Variants in NTM observed in about 807,000 individuals in gnomAD.
NTM encodes the protein IgLON family member 2.
In NTM, 13 loss-of-function variants were observed where a neutral mutation model predicts 42.1. That is an observed-to-expected ratio of 0.31 (90% CI 0.20 to 0.49). NTM has a LOEUF of 0.49. Ranked by LOEUF, NTM falls within the 20% of genes least tolerant of loss-of-function variation. The pLI is 0.99. For synonymous variants in NTM, 187 were observed against 179.2 expected, an observed-to-expected ratio of 1.04 and a Z score of -0.35; for missense variants, 373 against 452.8, an observed-to-expected ratio of 0.82 and a Z score of 1.60.
intron 1 of NTM, among the ~76,000 whole-genome samples, chr11:131,598,864 C>T (rs1378065848): frequency 3.9e-4 from 15 of 38,886 alleles, no homozygotes; most frequent in African/African-American, 9.6e-4. Flanking sequence ...TTCCTTCCTT[C>T]CTTCCTTCCT....
At chr11:132,107,713 A>G (rs1436634657) in intron 2 of NTM, among the ~76,000 whole-genome samples, 2 of 152,168 alleles carry the variant, frequency 1.3e-5, no homozygotes, top group East Asian at 1.9e-4. Flanking sequence ...CTGTGCAGCA[A>G]TGTATCATGG....
chr11:131,439,089 C>G (rs899585153), intron 1 of NTM, among the ~76,000 whole-genome samples: 2 of 152,102 alleles, frequency 1.3e-5, no homozygotes, highest in South Asian at 2.1e-4. Flanking sequence ...CACTCCAGAC[C>G]CTCTTTTCCT....
chr11:131,508,976 G>A (rs1448682700), intron 1 of NTM, among the ~76,000 whole-genome samples: 1 of 151,494 alleles, frequency 6.6e-6, no homozygotes, highest in African/African-American at 2.4e-5. Context: ...CATGGCACAT[G>A]TATACATATG....
At chr11:131,837,022 A>C (rs1214128471) in intron 1 of NTM, among the ~76,000 whole-genome samples, 4 of 152,222 alleles carry the variant, frequency 2.6e-5, no homozygotes, top group African/African-American at 4.8e-5. Flanking sequence ...AAGTACACAT[A>C]AGCTATGAAT....
intron 1 of NTM, among the ~76,000 whole-genome samples, chr11:131,644,237 C>T (rs2065490521): frequency 6.6e-6 from 1 of 152,144 alleles, no homozygotes; most frequent in Non-Finnish European, 1.5e-5. Flanking sequence ...TGAAGATGCT[C>T]AGAGGGACCC....
At chr11:132,211,330 G>A (rs2082797211) in intron 3 of NTM, among the ~76,000 whole-genome samples, 1 of 152,196 alleles carries the variant, frequency 6.6e-6, no homozygotes. Context: ...AGCATGGGAG[G>A]TCAAGGCTTC....
intron 3 of NTM, among the ~76,000 whole-genome samples, chr11:132,202,078 C>T (rs2081249034): frequency 6.6e-6 from 1 of 152,168 alleles, no homozygotes; most frequent in South Asian, 2.1e-4. Context: ...ATTCCTTTCT[C>T]ATTGTGACGT....
intron 1 of NTM, among the ~76,000 whole-genome samples, chr11:131,420,503 A>G (rs954202425): frequency 9.9e-5 from 15 of 152,184 alleles, no homozygotes; most frequent in Non-Finnish European, 2.1e-4. Flanking sequence ...GTCTGTGGTG[A>G]TCTGTTACAG....
At chr11:132,102,405 C>T (rs927198816) in intron 2 of NTM, among the ~76,000 whole-genome samples, 4 of 152,108 alleles carry the variant, frequency 2.6e-5, no homozygotes, top group Non-Finnish European at 4.4e-5. Flanking sequence ...AGTCAGTGTG[C>T]CTGAAGAGCT....
rs571309679 is a variant in NTM at position 131,810,090 on chromosome 11, G to A, written c.83-101474G>A. ...TCTACAGCTGCCCATTCGTCTTCTC[G>A]AGAAAGAGGGTTCATTACTCTGGAT... On this transcript the variant is annotated intron_variant, in intron 1 of 8. Coordinates refer to ENST00000683400, the MANE Select transcript of NTM (RefSeq NM_001352005.2). Among the ~76,000 whole-genome samples, 320 of 152,010 alleles carry A rather than the reference G, an allele frequency of 2.1e-3. 1 individual carries two copies. The highest frequency in any genetic ancestry group is 3.8e-3 in the Non-Finnish European group (255 of 67,958).
intron 1 of NTM, among the ~76,000 whole-genome samples, chr11:131,418,764 C>T (rs930660337): frequency 5.3e-5 from 8 of 152,118 alleles, no homozygotes; most frequent in Non-Finnish European, 1.0e-4. Context: ...TATTGATTCT[C>T]TATTAAATTG....
intron 1 of NTM, chr11:131,773,855 T>G (rs1427486401): frequency 8.5e-5 from 20 of 235,356 alleles, no homozygotes; most frequent in Non-Finnish European, 1.4e-4. Flanking sequence ...AAGCAGCGCA[T>G]GATCTTCCAT....
At chr11:131,868,473 C>T (rs756399030) in intron 1 of NTM, among the ~76,000 whole-genome samples, 13 of 152,192 alleles carry the variant, frequency 8.5e-5, no homozygotes, top group African/African-American at 1.4e-4. Flanking sequence ...CTGATTGTGT[C>T]GGGCTCTGTG....
intron 1 of NTM, among the ~76,000 whole-genome samples, chr11:131,504,520 C>G (rs917835157): frequency 6.6e-6 from 1 of 152,160 alleles, no homozygotes; most frequent in Non-Finnish European, 1.5e-5. Context: ...CCATACCACC[C>G]GTTTCCAGCT....
At chr11:131,469,964 C>G (rs79276190) in intron 1 of NTM, among the ~76,000 whole-genome samples, 2,685 of 152,274 alleles carry the variant, frequency 0.018, 76 homozygotes, top group African/African-American at 0.061. Flanking sequence ...TCTGCATTTA[C>G]ATTTCCTTAG....
intron 1 of NTM, among the ~76,000 whole-genome samples, chr11:131,420,470 T>C (rs1947388915): frequency 6.6e-6 from 1 of 152,182 alleles, no homozygotes; most frequent in African/African-American, 2.4e-5. Flanking sequence ...AGGTCATAGA[T>C]TTATGTTGTT....
At chr11:131,766,139 G>A (rs1054282299) in intron 1 of NTM, among the ~76,000 whole-genome samples, 7 of 152,234 alleles carry the variant, frequency 4.6e-5, no homozygotes, top group African/African-American at 1.2e-4. Context: ...CAGCTCAGAC[G>A]GCAGCCAGCT....
chr11:131,830,140 T>A, intron 1 of NTM, among the ~76,000 whole-genome samples: 1 of 152,190 alleles, frequency 6.6e-6, no homozygotes, highest in African/African-American at 2.4e-5. Context: ...GTTTACTCTG[T>A]TGATAGTTTC....
At chr11:132,135,628 A>T (rs2067745952) in intron 2 of NTM, among the ~76,000 whole-genome samples, 2 of 152,166 alleles carry the variant, frequency 1.3e-5, no homozygotes, top group African/African-American at 4.8e-5. Flanking sequence ...GCTAGGGGCC[A>T]CCCTGGGGGA....
Sources: allele counts gnomAD v4.1 joint callset (sites outside exome capture counted in the v4.1 genomes callset), GRCh38; gene constraint gnomAD v4.1.1; transcripts MANE v1.5; gene names NCBI Gene and HGNC (gene_info 2026-07-23, HGNC 2026-07-21).